MYO10: variants seen among roughly 807,000 people sequenced by gnomAD.
The protein encoded by MYO10 is unconventional myosin-X.
A neutral mutation model predicts 257.3 loss-of-function variants in MYO10; 133 were observed. The observed-to-expected ratio is 0.52, with a 90% confidence interval of 0.45 to 0.60. MYO10 has a LOEUF of 0.60. Ranked by LOEUF, MYO10 falls within the 20% of genes least tolerant of loss-of-function variation. The pLI is 0.00. For synonymous variants in MYO10, 1,104 were observed against 1,028.6 expected (o/e 1.07, Z -1.40); for missense variants, 2,399 against 2,635.7 (o/e 0.91, Z 1.97).
intron 2 of MYO10, among the ~76,000 whole-genome samples, chr5:16,829,607 C>T (rs1173191025): frequency 1.3e-5 from 2 of 152,180 alleles, no homozygotes; most frequent in Non-Finnish European, 2.9e-5. Flanking sequence ...AAATACTAAC[C>T]ATCCAGCTCA....
At chr5:16,765,688 A>G (rs1740842293) in intron 11 of MYO10, among the ~76,000 whole-genome samples, 1 of 152,182 alleles carries the variant, frequency 6.6e-6, no homozygotes, top group Non-Finnish European at 1.5e-5. Context: ...TGCTCAGCAT[A>G]TATTTGTTAT....
chr5:16,758,911 T>A (rs566140156), intron 17 of MYO10, among the ~76,000 whole-genome samples: 2 of 149,990 alleles, frequency 1.3e-5, no homozygotes, highest in Admixed American at 1.3e-4. Flanking sequence ...AAGGTAAAAG[T>A]GAAAAGCTTC....
At chr5:16,674,781 T>A in intron 35 of MYO10, 72 bp downstream of exon 35, 1 of 1,540,158 alleles carries the variant, frequency 6.5e-7, no homozygotes, top group African/African-American at 1.4e-5. Flanking sequence ...CCTCTTTATC[T>A]GAACGAGGAC....
chr5:16,722,912 T>C (rs994398589), intron 19 of MYO10, among the ~76,000 whole-genome samples: 12 of 152,120 alleles, frequency 7.9e-5, no homozygotes, highest in African/African-American at 2.7e-4. Context: ...TGAAAAATAT[T>C]TGGAAAATAC....
chr5:16,915,162 A>T (rs1206791862), intron 1 of MYO10, among the ~76,000 whole-genome samples: 1 of 152,258 alleles, frequency 6.6e-6, no homozygotes, highest in East Asian at 1.9e-4. Flanking sequence ...AAATCCAACA[A>T]CCAGGCCCTT....
At chr5:16,750,212 T>G (rs935259149) in intron 19 of MYO10, among the ~76,000 whole-genome samples, 4 of 152,156 alleles carry the variant, frequency 2.6e-5, no homozygotes, top group African/African-American at 9.7e-5. Flanking sequence ...CTTTTCTAGG[T>G]GCTTCCTCGC....
chr5:16,826,041 G>T (rs893738450), intron 2 of MYO10, among the ~76,000 whole-genome samples: 3 of 151,790 alleles, frequency 2.0e-5, no homozygotes, highest in Non-Finnish European at 4.4e-5. Flanking sequence ...CCAGCTATTT[G>T]GGAGGCAGAG....
chr5:16,858,441 T>TAAA (rs56792705), intron 2 of MYO10, among the ~76,000 whole-genome samples: 7,548 of 135,240 alleles, frequency 0.056, 657 homozygotes, highest in African/African-American at 0.19. Context: ...GCTACTTTTG[T>TAAA]AAAAAAAAAA....
rs748369375 is a variant in MYO10, at chr5:16,701,011, G to A, written c.3384C>T (p.Tyr1128=). The A allele has an allele frequency of 6.9e-5, 107 of 1,561,784 alleles. No individual in the cohort carries two copies. The highest frequency in any genetic ancestry group is 8.2e-5 in the Non-Finnish European group (95 of 1,153,128). Reference sequence around the variant, plus strand: ...TGAACCGGTAGGCACCCGAGCTGTTGTAGGTCCCCACAGAGCAGCGGTAGT... The same window carrying A: ...TGAACCGGTAGGCACCCGAGCTGTTATAGGTCCCCACAGAGCAGCGGTAGT... ...SPDYRCSVGT[Y]NSSGAYRFSS... Residue 1128 remains tyrosine, a synonymous_variant, in exon 25 of 41, where the codon TAC becomes TAT. Coordinates refer to ENST00000513610, the MANE Select transcript of MYO10 (RefSeq NM_012334.3). The surrounding 1 kb of genome is among the most constrained non-coding windows in gnomAD (Gnocchi z 8.1).
chr5:16,840,116 T>C (rs1175611371), intron 2 of MYO10, among the ~76,000 whole-genome samples: 1 of 151,994 alleles, frequency 6.6e-6, no homozygotes, highest in African/African-American at 2.4e-5. Context: ...ACACGGCAAT[T>C]TAAAAGAAAG....
intron 19 of MYO10, among the ~76,000 whole-genome samples, chr5:16,726,720 T>C (rs1286245865): frequency 6.6e-6 from 1 of 152,192 alleles, no homozygotes; most frequent in Non-Finnish European, 1.5e-5. Context: ...TATTTCTGAA[T>C]GAAATTTATC....
intron 2 of MYO10, among the ~76,000 whole-genome samples, chr5:16,874,357 G>A (rs1395228789): frequency 1.3e-5 from 1 of 75,734 alleles, no homozygotes; most frequent in Non-Finnish European, 2.7e-5. Context: ...GGGGGGGGGG[G>A]GGTTTCTTTT....
chr5:16,787,094 G>A (rs542386665), intron 4 of MYO10, among the ~76,000 whole-genome samples: 25 of 152,112 alleles, frequency 1.6e-4, no homozygotes, highest in Non-Finnish European at 3.1e-4. Context: ...ACTTGAATCC[G>A]GGAGGCGGAG....
intron 2 of MYO10, among the ~76,000 whole-genome samples, chr5:16,819,538 A>G (rs1005977277): frequency 2.0e-5 from 3 of 152,206 alleles, no homozygotes; most frequent in African/African-American, 4.8e-5. Context: ...CCTTTAAGTA[A>G]AATAAAAACA....
intron 10 of MYO10, among the ~76,000 whole-genome samples, chr5:16,768,664 CTTTTTT>C (rs34950225): frequency 2.4e-4 from 17 of 70,142 alleles, no homozygotes; most frequent in Admixed American, 5.0e-4. Flanking sequence ...TTTCTCTTTT[CTTTTTT>C]TTTTTTTTTT....
chr5:16,698,415 G>T (rs920346536), intron 26 of MYO10, among the ~76,000 whole-genome samples: 2 of 152,094 alleles, frequency 1.3e-5, no homozygotes, highest in African/African-American at 4.8e-5. Flanking sequence ...TCCAAAAGGA[G>T]TGTGCCTCAA....
In MYO10 at chr5:16,673,939, G is replaced by A. The variant is rs115887664; in HGVS notation, c.4965-50C>T. The A allele has an allele frequency of 9.5e-3, 14,849 of 1,554,880 alleles. 100 individuals are homozygous for A. The highest frequency in any genetic ancestry group is 0.011 in the South Asian group (946 of 89,530). ...ATTTTTAGACTGATGGGGGCTGGCT[G>A]CTGGGAGGAACTAGGCTGTGCCAAG... On this transcript the variant is annotated intron_variant, in intron 35 of 40. Coordinates refer to ENST00000513610, the MANE Select transcript of MYO10 (RefSeq NM_012334.3).
intron 9 of MYO10, among the ~76,000 whole-genome samples, chr5:16,772,037 TAC>T (rs1160790463): frequency 6.6e-6 from 1 of 151,856 alleles, no homozygotes; most frequent in African/African-American, 2.4e-5. Flanking sequence ...AAACATTCAC[TAC>T]AGAGTTACCT....
chr5:16,880,691 C>T (rs1354425692), intron 1 of MYO10, among the ~76,000 whole-genome samples: 1 of 152,114 alleles, frequency 6.6e-6, no homozygotes, highest in Admixed American at 6.5e-5. Context: ...CACACAAGTC[C>T]CTCACCCCCT....
Sources: allele counts gnomAD v4.1 joint callset (sites outside exome capture counted in the v4.1 genomes callset), GRCh38; gene constraint gnomAD v4.1.1; non-coding constraint Gnocchi (gnomAD v3.1); transcripts MANE v1.5; gene names NCBI Gene and HGNC (gene_info 2026-07-23, HGNC 2026-07-21).